The following RASGRP1 variants were observed in gnomAD, a reference collection of about 807,000 sequenced individuals.
RASGRP1 encodes the protein RAS guanyl-releasing protein 1.
In RASGRP1, 37 loss-of-function variants were observed where a neutral mutation model predicts 95.1. The ratio of observed to expected loss-of-function variants is 0.39; its 90% CI spans 0.30 to 0.51. RASGRP1 has a LOEUF of 0.51. Ranked by LOEUF, RASGRP1 falls within the 20% of genes least tolerant of loss-of-function variation. The pLI, the probability that RASGRP1 is intolerant of heterozygous loss-of-function variation, is 0.80. For synonymous variants in RASGRP1, 325 were observed against 353.4 expected (o/e 0.92, Z 0.90); for missense variants, 711 against 965.4 (o/e 0.74, Z 3.49).
chr15:38,539,721 C>G (rs1892793173), intron 2 of RASGRP1, among the ~76,000 whole-genome samples: 1 of 152,036 alleles, frequency 6.6e-6, no homozygotes, highest in South Asian at 2.1e-4. Flanking sequence ...TCCCTCCCCG[C>G]TCCTCCCACC....
chr15:38,513,518 T>C (rs1312448365), intron 6 of RASGRP1, among the ~76,000 whole-genome samples: 2 of 152,232 alleles, frequency 1.3e-5, no homozygotes, highest in African/African-American at 4.8e-5. Flanking sequence ...ATGAACCTTA[T>C]GCTAATACAA....
At chr15:38,564,562 C>T (rs1198426684) in intron 1 of RASGRP1, 32 bp downstream of exon 1, 5 of 1,360,332 alleles carry the variant, frequency 3.7e-6, no homozygotes, top group East Asian at 3.1e-5. Context: ...AGGACACAGG[C>T]GCTCCCGAGG....
Position 38,489,429 on chromosome 15 carries a change from A to C in RASGRP1, c.*1125T>G, listed in dbSNP as rs1270439821. On this transcript the variant is annotated 3_prime_UTR_variant, in exon 17 of 17. Transcript: ENST00000310803. ...TGTGAGCAATTTAATCTTGTGACAA[A>C]CTGAACTTTATATTTGTGACTTTGT... The C allele has an allele frequency of 6.6e-6, 1 of 152,290 alleles. No individual in the cohort carries two copies. The highest frequency in any genetic ancestry group is 2.4e-5 in the African/African-American group (1 of 41,428). The allele number at this position is 152,290 out of a possible 1,614,324, so 9.4% of individuals were successfully genotyped here. A position where few individuals can be genotyped will look rare whatever the true frequency, so the allele number is the denominator to read the frequency against.
chr15:38,546,256 T>G (rs1414692662), intron 2 of RASGRP1, among the ~76,000 whole-genome samples: 1 of 152,284 alleles, frequency 6.6e-6, no homozygotes, highest in South Asian at 2.1e-4. Flanking sequence ...TCCCGCTCTG[T>G]CACCAGGCTG....
chr15:38,536,906 C>G (rs56080834), intron 2 of RASGRP1, among the ~76,000 whole-genome samples: 2 of 152,178 alleles, frequency 1.3e-5, no homozygotes, highest in Non-Finnish European at 1.5e-5. Context: ...TTTCCTCACC[C>G]CTTCTTTGGT....
At chr15:38,505,725 G>T in intron 10 of RASGRP1, 115 bp downstream of exon 10, 1 of 812,272 alleles carries the variant, frequency 1.2e-6, no homozygotes. Context: ...TGAGCACTAA[G>T]AAAAACAGTA....
chr15:38,547,773 G>A lies in RASGRP1; in HGVS notation c.220+12048C>T, dbSNP rs1394928379. ...CAGATTCCAAAGACTGCCATGTGAC[G>A]TGGCCTCCATAATCTTTTCACCGCT... On this transcript the variant is annotated intron_variant, in intron 2 of 16. Transcript: ENST00000310803. 6.6e-5 allele frequency among the ~76,000 whole-genome samples: 10 copies of A among 152,106 alleles called. No individual in the cohort carries two copies. The East Asian group carries it at 7.7e-4, about 12-fold the overall frequency.
At chr15:38,562,590 G>T (rs1420076201) in intron 1 of RASGRP1, among the ~76,000 whole-genome samples, 1 of 152,160 alleles carries the variant, frequency 6.6e-6, no homozygotes, top group Non-Finnish European at 1.5e-5. Context: ...TAGGGGAAAG[G>T]TTTTAAAAAA....
chr15:38,552,036 T>C (rs1210453763), intron 2 of RASGRP1, among the ~76,000 whole-genome samples: 1 of 152,136 alleles, frequency 6.6e-6, no homozygotes, highest in African/African-American at 2.4e-5. Flanking sequence ...AAATTGAGGG[T>C]TGGTCAGAAA....
Position 38,501,230 on chromosome 15 carries a change from G to C in RASGRP1, c.1596C>G (p.Ile532Met). ...GAAAGCCCAGGCCCAGCTTGGAATA[G>C]ATTGAGCTGGCTCTCATGAAGTAGG... The part of the protein sequence containing the change: ...ITAYFMRASS[I>M]YSKLGLGFPH... Residue 532 changes from isoleucine to methionine, a missense_variant, in exon 13 of 17, where the codon ATC (isoleucine) becomes ATG (methionine). Transcript: ENST00000310803. 6.2e-7 allele frequency: 1 copy of C among 1,612,912 alleles called. No homozygotes were observed.
At chr15:38,507,644 C>G (rs1891314990) in intron 9 of RASGRP1, 82 bp downstream of exon 9, 32 of 1,424,378 alleles carry the variant, frequency 2.2e-5, no homozygotes, top group Non-Finnish European at 3.0e-5. Flanking sequence ...TGAGGACTAA[C>G]AGCTAATATT....
At position 38,498,868 on chromosome 15, in the gene RASGRP1, G is replaced by C; in HGVS notation, c.1799C>G (p.Ala600Gly). 6.2e-7 allele frequency: 1 copy of C among 1,613,940 alleles called. No homozygotes were observed. The highest frequency in any genetic ancestry group is 1.1e-5 in the South Asian group (1 of 91,072). Residue 600 changes from alanine (A) to glycine (G), a missense_variant, in exon 15 of 17, where the codon GCT (alanine) becomes GGT (glycine). Ala to Gly is a moderately conservative substitution (Grantham distance 60). Transcript: ENST00000310803. ...CACAGAAGTGTTGTTCTCTGTGGGA[G>C]CTACTGGGTTCTTGGCTCGCTTCTT... ...ECKKRAKNPV[A>G]PTENNTSVGP... is the part of the protein sequence containing the mutation.
chr15:38,494,572 A>G lies in RASGRP1; in HGVS notation c.2069T>C (p.Phe690Ser), dbSNP rs763001228. The change falls in exon 16 of 17, where the codon TTT (phenylalanine) becomes TCT (serine). Residue 690 changes from phenylalanine (F) to serine (S), a missense_variant. Physicochemically the swap from Phe to Ser is radical, Grantham distance 155. Around this residue, in one of 3 missense-constraint regions of RASGRP1, gnomAD observed 212 missense variants for 247.8 expected, o/e 0.86. Coordinates refer to ENST00000310803, the MANE Select transcript of RASGRP1 (RefSeq NM_005739.4). ...WIGSEGPSGP[F>S]VLSSPRKTAQ... ...TGTCTTCCTTGGGGAAGACAGCACA[A>G]AGGGACCTGAAGGGCCCTCACTGCC... 1.3e-5 allele frequency: 20 copies of G among 1,563,646 alleles called. No homozygotes were observed. In the Middle Eastern group the frequency reaches 5.1e-4, roughly 40 times the overall value.
Position 38,507,772 on chromosome 15 carries a change from A to G in RASGRP1, c.1196T>C (p.Val399Ala), listed in dbSNP as rs1356606150. The change falls in exon 9 of 17, where the codon GTG becomes GCG. Residue 399 changes from valine (V) to alanine (A), a missense_variant. This residue lies in a region of RASGRP1 where 491 missense variants were observed against 676.6 expected (regional missense o/e 0.73). Transcript: ENST00000310803. ...HISELVQLQE[V>A]APPLEANKDL... ...CTTGTTAGCCTCCAAGGGTGGGGCC[A>G]CCTCTTGCAGCTGGACCAATTCACT... 7 of 1,600,098 alleles carry G rather than the reference A, an allele frequency of 4.4e-6. No individual in the cohort carries two copies. Among genetic ancestry groups the G allele is most frequent in the African/African-American group, 1.3e-5 (1 of 74,842 alleles).
At chr15:38,499,565 G>A (rs1367154096) in intron 14 of RASGRP1, among the ~76,000 whole-genome samples, 2 of 152,210 alleles carry the variant, frequency 1.3e-5, no homozygotes, top group Non-Finnish European at 2.9e-5. Flanking sequence ...TCTCTTCGGT[G>A]TGGCGGTCAT....
At position 38,502,428 on chromosome 15, in the gene RASGRP1, A is replaced by T. The variant is rs957995037; in HGVS notation, c.1429-7T>A. Reference sequence around the variant, plus strand: ...CATAGTTCTTGAAGACAGACTGTGAAAAAGGAGTTTTTTTGGTGATTACTA... The same window carrying T: ...CATAGTTCTTGAAGACAGACTGTGATAAAGGAGTTTTTTTGGTGATTACTA... On this transcript the variant is annotated splice_region_variant and splice_polypyrimidine_tract_variant and intron_variant, in intron 11 of 16. Coordinates refer to ENST00000310803, the MANE Select transcript of RASGRP1 (RefSeq NM_005739.4). 1.9e-6 allele frequency: 3 copies of T among 1,551,150 alleles called. No individual in the cohort carries two copies. In the Admixed American group the frequency reaches 5.0e-5, roughly 26 times the overall value.
At position 38,490,552 on chromosome 15, in the gene RASGRP1, G is replaced by T; in HGVS notation, c.*2C>A. The T allele has an allele frequency of 1.9e-6, 3 of 1,601,754 alleles. No individual in the cohort carries two copies. On this transcript the variant is annotated 3_prime_UTR_variant, in exon 17 of 17. Transcript: ENST00000310803. ...TACAGATTGTGCTACTTAGTTTCTG[G>T]GCTAAGAACAGTCACCCTGCTCCAT...
At chr15:38,544,089 G>A (rs1333958941) in intron 2 of RASGRP1, among the ~76,000 whole-genome samples, 1 of 152,146 alleles carries the variant, frequency 6.6e-6, no homozygotes, top group African/African-American at 2.4e-5. Context: ...GGCTTCATTA[G>A]GGTGAGTCAA....
intron 8 of RASGRP1, among the ~76,000 whole-genome samples, chr15:38,511,229 T>C (rs1448580189): frequency 1.3e-5 from 2 of 152,204 alleles, no homozygotes; most frequent in African/African-American, 2.4e-5. Context: ...CAAACTGACC[T>C]ATGGTCAACC....
Sources: gnomAD v4.1 joint callset for allele counts (sites outside exome capture counted in the v4.1 genomes callset) on GRCh38, gnomAD v4.1.1 for gene constraint, gnomAD v4.1.1 regional missense constraint, MANE v1.5 for transcripts, NCBI Gene and HGNC (gene_info 2026-07-23, HGNC 2026-07-21) for gene names.